The following SLC36A4 variants were observed in gnomAD, a reference collection of about 807,000 sequenced individuals.
SLC36A4 encodes the protein solute carrier family 36 member 4, also known as neutral amino acid uniporter 4.
A neutral mutation model predicts 50.5 loss-of-function variants in SLC36A4; 49 were observed. That is an observed-to-expected ratio of 0.97 (90% CI 0.77 to 1.23). The LOEUF (loss-of-function observed/expected upper bound fraction) is 1.23, where lower values mean the gene tolerates loss of function less well. Among genes scored for constraint, SLC36A4 ranks in the 50% most tolerant of loss-of-function variants. SLC36A4 has a pLI of 0.00. For missense variants in SLC36A4, 611 were observed against 608.4 expected, an observed-to-expected ratio of 1.00 and a Z score of -0.05; for synonymous variants, 207 against 206.5, an observed-to-expected ratio of 1.00 and a Z score of -0.02.
chr11:93,192,472 C>G (rs1565241868), intron 1 of SLC36A4, among the ~76,000 whole-genome samples: 1 of 152,104 alleles, frequency 6.6e-6, no homozygotes, highest in Non-Finnish European at 1.5e-5. Flanking sequence ...TGAAAAGCCA[C>G]TAGAGCAGTG....
intron 1 of SLC36A4, among the ~76,000 whole-genome samples, chr11:93,190,160 A>G (rs1028772718): frequency 4.6e-5 from 7 of 152,170 alleles, no homozygotes; most frequent in African/African-American, 1.7e-4. Flanking sequence ...ATTAAACATG[A>G]CTTACTGTGA....
At position 93,197,879 on chromosome 11, in the gene SLC36A4, G is replaced by A. The variant is rs1054769749; in HGVS notation, c.-47C>T. On this transcript the variant is annotated 5_prime_UTR_variant, in exon 1 of 11. Coordinates refer to ENST00000326402, the MANE Select transcript of SLC36A4 (RefSeq NM_152313.4). ...CCGCCGCCCGAGTGCTCACTCTCCC[G>A]CCGCTGCGTGGCCGGCGTCAGGCCC... 20 of 1,504,884 alleles carry A rather than the reference G, an allele frequency of 1.3e-5. No individual in the cohort carries two copies. The highest frequency in any genetic ancestry group is 1.6e-5 in the Non-Finnish European group (18 of 1,132,746). The allele number at this position is 1,504,884 out of a possible 1,614,324, so 93.2% of individuals were successfully genotyped here.
At chr11:93,152,116 C>A (rs1488174112) in intron 10 of SLC36A4, 1 of 152,070 alleles carries the variant, frequency 6.6e-6, no homozygotes, top group East Asian at 1.9e-4. Context: ...AAGTCCACTT[C>A]TTTAAGGACT....
At chr11:93,175,591 A>C (rs1172214956) in intron 6 of SLC36A4, among the ~76,000 whole-genome samples, 21 of 103,692 alleles carry the variant, frequency 2.0e-4, no homozygotes, top group Non-Finnish European at 4.2e-4. Context: ...ATTTAGTGCT[A>C]TACATTTCCC....
chr11:93,180,357 G>A (rs1565233381), intron 6 of SLC36A4: 1 of 981,630 alleles, frequency 1.0e-6, no homozygotes, highest in Non-Finnish European at 1.2e-6. Context: ...GTTCATTTTT[G>A]GACACAGTGT....
intron 6 of SLC36A4, among the ~76,000 whole-genome samples, chr11:93,173,312 ATTTG>A (rs1408920591): frequency 6.7e-6 from 1 of 148,512 alleles, no homozygotes; most frequent in Non-Finnish European, 1.5e-5. Flanking sequence ...TTTCTTGTAA[ATTTG>A]TTTGAGTTCA....
rs976811255 is a variant in SLC36A4, at chr11:93,197,807, G to A, written c.26C>T (p.Ala9Val). ...CTCCTCGCGCCTCGCCGCCCCGGCAGCCGCCGGCGTCGCCGCCGCTTCCAT... is the reference window on the plus strand; with the variant it reads ...CTCCTCGCGCCTCGCCGCCCCGGCAACCGCCGGCGTCGCCGCCGCTTCCAT... MEAAATPA[A>V]AGAARREELD... is the part of the protein sequence containing the mutation. Residue 9 changes from alanine (A) to valine (V), a missense_variant, in exon 1 of 11, where the codon GCT becomes GTT. Coordinates refer to ENST00000326402, the MANE Select transcript of SLC36A4 (RefSeq NM_152313.4). The A allele has an allele frequency of 1.3e-6, 2 of 1,583,582 alleles. No homozygotes were observed. The highest frequency in any genetic ancestry group is 3.4e-5 in the Admixed American group (2 of 59,412).
At chr11:93,168,670 C>T (rs1860992879) in intron 6 of SLC36A4, among the ~76,000 whole-genome samples, 1 of 151,962 alleles carries the variant, frequency 6.6e-6, no homozygotes, top group African/African-American at 2.4e-5. Context: ...AACCTTAAAA[C>T]TCTTATAAAG....
Position 93,148,337 on chromosome 11 carries a change from T to C in SLC36A4, c.*200A>G. ...TTTCAGAACTTAATTTTTTGAACTA[T>C]TGCTAACACTTAAAAGCAAGGATTT... On this transcript the variant is annotated 3_prime_UTR_variant, in exon 11 of 11. Coordinates refer to ENST00000326402, the MANE Select transcript of SLC36A4 (RefSeq NM_152313.4). 3 of 433,130 alleles carry C rather than the reference T, an allele frequency of 6.9e-6. No individual in the cohort carries two copies. The highest frequency in any genetic ancestry group is 4.0e-6 in the Non-Finnish European group (1 of 248,702). The allele number at this position is 433,130 out of a possible 1,614,324, so 26.8% of individuals were successfully genotyped here.
In SLC36A4 at chr11:93,162,877, TAAGAA is replaced by T; in HGVS notation, c.868-7_868-3del. 1.2e-6 allele frequency: 2 copies of T among 1,610,796 alleles called. No homozygotes were observed. On this transcript the variant is annotated splice_polypyrimidine_tract_variant and splice_region_variant and intron_variant, in intron 8 of 10. Transcript: ENST00000326402. ...CATTTGGTTTTCCAGTGGAAGGACCTAAGAAAAGAATACAATACTTTTTTTTAAGG... is the reference window on the plus strand; with the variant it reads ...CATTTGGTTTTCCAGTGGAAGGACCTAAGAATACAATACTTTTTTTTAAGG...
At position 93,144,472 on chromosome 11, in the gene SLC36A4, T is replaced by C. The variant is rs566111955; in HGVS notation, c.*4065A>G. The C allele has an allele frequency of 6.6e-6, 1 of 152,184 alleles. No homozygotes were observed. Among genetic ancestry groups the C allele is most frequent in the East Asian group, 1.9e-4 (1 of 5,168 alleles). The allele number at this position is 152,184 out of a possible 1,614,324, so 9.4% of individuals were successfully genotyped here. A position where few individuals can be genotyped will look rare whatever the true frequency, so the allele number is the denominator to read the frequency against. ...TTTAAATAGTAATTTAGTATTAGTA[T>C]CTAGTTCACATAGATTACTGATTTG... On this transcript the variant is annotated 3_prime_UTR_variant, in exon 11 of 11. Coordinates refer to ENST00000326402, the MANE Select transcript of SLC36A4 (RefSeq NM_152313.4).
At chr11:93,193,527 A>C (rs1258511804) in intron 1 of SLC36A4, among the ~76,000 whole-genome samples, 1 of 152,162 alleles carries the variant, frequency 6.6e-6, no homozygotes, top group African/African-American at 2.4e-5. Context: ...GAGTGGAGAA[A>C]TTATATATAA....
rs974413954 is a variant in SLC36A4, at chr11:93,145,699, C to A, written c.*2838G>T. On this transcript the variant is annotated 3_prime_UTR_variant, in exon 11 of 11. Coordinates refer to ENST00000326402, the MANE Select transcript of SLC36A4 (RefSeq NM_152313.4). The stretch of plus-strand genomic sequence containing the variant: ...AATAGTTCTTCACTGTGGTGGCCAA[C>A]AAAATGCTGAAGTCATTTTAGTCAC... 2.0e-5 allele frequency: 3 copies of A among 152,060 alleles called. No homozygotes were observed. Among genetic ancestry groups the A allele is most frequent in the African/African-American group, 7.2e-5 (3 of 41,424 alleles). The allele number at this position is 152,060 out of a possible 1,614,324, so 9.4% of individuals were successfully genotyped here.
intron 1 of SLC36A4, among the ~76,000 whole-genome samples, chr11:93,188,606 C>T (rs367589406): frequency 1.3e-4 from 20 of 152,242 alleles, no homozygotes; most frequent in African/African-American, 2.6e-4. Flanking sequence ...AAAGGTGGCA[C>T]GGTCTAGAAC....
In SLC36A4 at chr11:93,195,298, A is replaced by G. The variant is rs149761950; in HGVS notation, c.55+2480T>C. On this transcript the variant is annotated intron_variant, in intron 1 of 10. Transcript: ENST00000326402. The stretch of plus-strand genomic sequence containing the variant: ...AGGTATATTACAAAACCACCATAAT[A>G]TCCCAGTTAATAACAATTTCATTCT... Among the ~76,000 whole-genome samples the G allele has an allele frequency of 5.1e-4, 77 of 152,080 alleles. No individual in the cohort carries two copies. In the East Asian group the frequency reaches 0.012, roughly 23 times the overall value.
chr11:93,176,937 G>A lies in SLC36A4; in HGVS notation c.540+3860C>T, dbSNP rs951633785. Among the ~76,000 whole-genome samples, 6 of 152,056 alleles carry A rather than the reference G, an allele frequency of 3.9e-5. No individual in the cohort carries two copies. The East Asian group carries it at 1.2e-3, about 29-fold the overall frequency. ...CTGACAATTTATGTGTCTTGGAGTTGCTCTTCTCGAGGTGTTACCTTTGTG... is the reference window on the plus strand; with the variant it reads ...CTGACAATTTATGTGTCTTGGAGTTACTCTTCTCGAGGTGTTACCTTTGTG... On this transcript the variant is annotated intron_variant, in intron 6 of 10. Transcript: ENST00000326402.
At chr11:93,177,497 C>T (rs753234745) in intron 6 of SLC36A4, among the ~76,000 whole-genome samples, 3 of 152,096 alleles carry the variant, frequency 2.0e-5, no homozygotes, top group Non-Finnish European at 4.4e-5. Context: ...CCGTTGCTGG[C>T]GAGGAGCTGC....
intron 5 of SLC36A4, 115 bp from the exon 6 acceptor site, chr11:93,180,996 C>A: frequency 2.7e-6 from 2 of 730,036 alleles, no homozygotes; most frequent in East Asian, 2.8e-5. Flanking sequence ...TTCTCCTACT[C>A]AGTATGTCAG....
intron 1 of SLC36A4, among the ~76,000 whole-genome samples, chr11:93,191,080 G>T (rs1341183737): frequency 1.3e-5 from 2 of 152,158 alleles, no homozygotes; most frequent in Non-Finnish European, 2.9e-5. Context: ...CCAAGAAGTT[G>T]CATCTTTAAA....
Sources: allele counts gnomAD v4.1 joint callset (sites outside exome capture counted in the v4.1 genomes callset), GRCh38; gene constraint gnomAD v4.1.1; transcripts MANE v1.5; gene names NCBI Gene and HGNC (gene_info 2026-07-23, HGNC 2026-07-21).